Variants in TTC23 observed in about 807,000 individuals in gnomAD.
TTC23 encodes the protein tetratricopeptide repeat domain 23.
Under a neutral mutation model 55.1 loss-of-function variants are expected in TTC23, and 58 were observed. The observed-to-expected ratio is 1.05, with a 90% confidence interval of 0.85 to 1.31. TTC23 has a LOEUF of 1.31. TTC23 is among the 50% of genes most tolerant of loss of function. The pLI, the probability that TTC23 is intolerant of heterozygous loss-of-function variation, is 0.00. For synonymous variants in TTC23, 203 were observed against 199.9 expected (o/e 1.02, Z -0.13); for missense variants, 516 against 534.4 (o/e 0.97, Z 0.34).
At chr15:99,163,605 G>C (rs905459679) in intron 10 of TTC23, among the ~76,000 whole-genome samples, 1 of 152,232 alleles carries the variant, frequency 6.6e-6, no homozygotes, top group Non-Finnish European at 1.5e-5. Context: ...GCTATAGTCT[G>C]AATATTTATG....
At chr15:99,181,590 CT>C (rs1268634077) in intron 9 of TTC23, among the ~76,000 whole-genome samples, 3 of 152,208 alleles carry the variant, frequency 2.0e-5, no homozygotes, top group Non-Finnish European at 4.4e-5. Flanking sequence ...CCTTTTCACC[CT>C]GCCAAAACTG....
At chr15:99,178,713 T>C (rs1372231001) in intron 9 of TTC23, among the ~76,000 whole-genome samples, 2 of 152,198 alleles carry the variant, frequency 1.3e-5, no homozygotes, top group Non-Finnish European at 2.9e-5. Context: ...TTGTCATCAT[T>C]TCCCAAGATT....
At chr15:99,179,272 A>G (rs906932811) in intron 9 of TTC23, among the ~76,000 whole-genome samples, 5 of 151,708 alleles carry the variant, frequency 3.3e-5, no homozygotes, top group African/African-American at 9.7e-5. Flanking sequence ...GGATCCTCCA[A>G]CTCACAGACC....
At chr15:99,197,309 A>G (rs902491776) in intron 9 of TTC23, among the ~76,000 whole-genome samples, 15 of 151,884 alleles carry the variant, frequency 9.9e-5, no homozygotes, top group African/African-American at 1.5e-4. Flanking sequence ...TCACCATGTT[A>G]GCCAGGATGG....
intron 5 of TTC23, among the ~76,000 whole-genome samples, chr15:99,227,522 G>T (rs924498439): frequency 6.6e-6 from 1 of 152,132 alleles, no homozygotes; most frequent in Admixed American, 6.5e-5. Flanking sequence ...CTATGGGAGT[G>T]ACTGTTCTTA....
In TTC23 at chr15:99,139,833, A is replaced by G. The variant is rs188509619; in HGVS notation, c.1144-434T>C. On this transcript the variant is annotated intron_variant, in intron 12 of 13. Transcript: ENST00000394132. The stretch of plus-strand genomic sequence containing the variant: ...ATATAGGCTGTCTATACTCTTGACT[A>G]CACAGCAATGTCTTAGTTATTAGGA... 790 of 1,040,384 alleles carry G rather than the reference A, an allele frequency of 7.6e-4. 9 individuals are homozygous for G. In the Admixed American group the frequency reaches 0.02, roughly 27 times the overall value. 64.4% of individuals were successfully genotyped at this position (1,040,384 alleles called of 1,614,324 possible).
intron 1 of TTC23, among the ~76,000 whole-genome samples, chr15:99,247,551 C>A (rs962254832): frequency 1.3e-5 from 2 of 152,110 alleles, no homozygotes; most frequent in Non-Finnish European, 2.9e-5. Context: ...ATGAGACATA[C>A]TACAACATGG....
chr15:99,222,884 C>T (rs2078066602), intron 5 of TTC23, among the ~76,000 whole-genome samples: 1 of 152,164 alleles, frequency 6.6e-6, no homozygotes, highest in Non-Finnish European at 1.5e-5. Context: ...GTAGTCCCAG[C>T]TACTCGGGAG....
At chr15:99,150,466 A>C (rs1192160422) in intron 12 of TTC23, among the ~76,000 whole-genome samples, 1 of 152,250 alleles carries the variant, frequency 6.6e-6, no homozygotes, top group Non-Finnish European at 1.5e-5. Context: ...CAAGAGACAA[A>C]GTTGAGGCTA....
At chr15:99,198,115 C>T (rs774326659) in intron 9 of TTC23, among the ~76,000 whole-genome samples, 1 of 152,148 alleles carries the variant, frequency 6.6e-6, no homozygotes, top group Non-Finnish European at 1.5e-5. Flanking sequence ...CGTCCTCTCC[C>T]AGGGCAATCA....
intron 9 of TTC23, among the ~76,000 whole-genome samples, chr15:99,178,850 C>G (rs2073854065): frequency 6.6e-6 from 1 of 152,172 alleles, no homozygotes; most frequent in Non-Finnish European, 1.5e-5. Flanking sequence ...GATGAGCACG[C>G]TGGCTCCCAA....
intron 12 of TTC23, chr15:99,151,431 T>A (rs969017735): frequency 5.3e-5 from 8 of 151,994 alleles, no homozygotes; most frequent in Admixed American, 5.2e-4. Context: ...AACTCTGGAG[T>A]GTTGCCAGCC....
intron 12 of TTC23, chr15:99,148,593 G>A (rs929958860): frequency 1.3e-5 from 2 of 151,980 alleles, no homozygotes; most frequent in Non-Finnish European, 2.9e-5. Flanking sequence ...TACCTAATAC[G>A]GAGGCCAGAT....
chr15:99,174,675 T>C (rs1184936364), intron 10 of TTC23, among the ~76,000 whole-genome samples: 1 of 152,206 alleles, frequency 6.6e-6, no homozygotes. Context: ...GCCCTGACAG[T>C]GCCTGGAGGC....
intron 12 of TTC23, chr15:99,139,782 T>G: frequency 7.8e-7 from 1 of 1,277,562 alleles, no homozygotes; most frequent in Non-Finnish European, 1.0e-6. Flanking sequence ...GTTTTTTTTG[T>G]AAACACATAC....
chr15:99,232,001 AG>A (rs2078973407), intron 4 of TTC23, among the ~76,000 whole-genome samples: 1 of 150,830 alleles, frequency 6.6e-6, no homozygotes, highest in Non-Finnish European at 1.5e-5. Context: ...CATGTTGGTC[AG>A]GCTGCTCTGG....
At chr15:99,237,795 A>G (rs1457375964) in intron 3 of TTC23, among the ~76,000 whole-genome samples, 3 of 152,144 alleles carry the variant, frequency 2.0e-5, no homozygotes, top group African/African-American at 7.2e-5. Flanking sequence ...CATATGCCCA[A>G]ACTTAGCAAA....
intron 2 of TTC23, among the ~76,000 whole-genome samples, chr15:99,244,578 T>G (rs1184127617): frequency 6.6e-6 from 1 of 152,102 alleles, no homozygotes; most frequent in East Asian, 1.9e-4. Context: ...TAGGAATAAA[T>G]TTAACAAAAG....
intron 9 of TTC23, 109 bp from the exon 10 acceptor site, chr15:99,175,264 C>T: frequency 1.2e-6 from 1 of 838,636 alleles, no homozygotes; most frequent in South Asian, 1.7e-5. Flanking sequence ...TTCCAGCAAG[C>T]TAGAAGAAAT....
Sources: gnomAD v4.1 joint callset for allele counts (sites outside exome capture counted in the v4.1 genomes callset) on GRCh38, gnomAD v4.1.1 for gene constraint, MANE v1.5 for transcripts, NCBI Gene and HGNC (gene_info 2026-07-23, HGNC 2026-07-21) for gene names.